The following ZNF618 variants were observed in gnomAD, a reference collection of about 807,000 sequenced individuals.
The protein encoded by ZNF618 is neural precursor cell expressed, developmentally down-regulated 10.
ZNF618 carries 34 observed loss-of-function variants against 103.0 expected under a neutral mutation model. The observed-to-expected ratio is 0.33, with a 90% confidence interval of 0.25 to 0.44. ZNF618 has a LOEUF of 0.44. Ranked by LOEUF, ZNF618 falls within the 20% of genes least tolerant of loss-of-function variation. The pLI is 1.00. For synonymous variants in ZNF618, 551 were observed against 542.2 expected (o/e 1.02, Z -0.23); for missense variants, 1,059 against 1,295.4 (o/e 0.82, Z 2.80).
chr9:113,904,252 A>G (rs1830794164), intron 1 of ZNF618, among the ~76,000 whole-genome samples: 3 of 144,342 alleles, frequency 2.1e-5, no homozygotes, highest in Non-Finnish European at 3.0e-5. Flanking sequence ...TGTATTTTTC[A>G]TCTCTAGAAG....
At chr9:113,902,551 A>G (rs1830657673) in intron 1 of ZNF618, among the ~76,000 whole-genome samples, 1 of 152,212 alleles carries the variant, frequency 6.6e-6, no homozygotes, top group South Asian at 2.1e-4. Flanking sequence ...TTTTAGAGAC[A>G]TGCACTATTG....
intron 14 of ZNF618, 117 bp from the exon 15 acceptor site, chr9:114,048,534 C>A: frequency 1.8e-6 from 2 of 1,111,706 alleles, no homozygotes; most frequent in Non-Finnish European, 2.6e-6. Context: ...CATGTGTGTG[C>A]AAGAGGAAAT....
chr9:113,902,795 T>C (rs971853637), intron 1 of ZNF618, among the ~76,000 whole-genome samples: 1 of 152,234 alleles, frequency 6.6e-6, no homozygotes, highest in Admixed American at 6.5e-5. Context: ...GATGGGTGTT[T>C]TGGTGTTCCT....
chr9:113,939,963 G>A (rs1205064860), intron 1 of ZNF618, among the ~76,000 whole-genome samples: 2 of 151,672 alleles, frequency 1.3e-5, no homozygotes, highest in Non-Finnish European at 1.5e-5. Flanking sequence ...TTTAACTTCT[G>A]TTTATTTTTA....
intron 3 of ZNF618, among the ~76,000 whole-genome samples, chr9:113,997,006 C>T (rs1176194736): frequency 1.3e-5 from 2 of 152,160 alleles, no homozygotes; most frequent in South Asian, 2.1e-4. Context: ...ATGAGGACTT[C>T]TGGGAAGATG....
intron 4 of ZNF618, 96 bp from the exon 5 acceptor site, chr9:114,001,900 A>C: frequency 9.5e-7 from 1 of 1,055,018 alleles, no homozygotes; most frequent in Non-Finnish European, 1.5e-6. Context: ...CCCCTGGGAC[A>C]GAGAGTTAGC....
chr9:113,979,981 G>A (rs1485702812), intron 2 of ZNF618, among the ~76,000 whole-genome samples: 1 of 152,144 alleles, frequency 6.6e-6, no homozygotes, highest in African/African-American at 2.4e-5. Flanking sequence ...ACAGGAGAAA[G>A]GGGGGGTGGC....
intron 11 of ZNF618, among the ~76,000 whole-genome samples, chr9:114,031,408 A>G (rs1844017924): frequency 6.6e-6 from 1 of 152,204 alleles, no homozygotes; most frequent in Admixed American, 6.5e-5. Flanking sequence ...ACGTTGTTAC[A>G]GTGGGATGAC....
At position 114,027,682 on chromosome 9, in the gene ZNF618, G is replaced by A. The variant is rs139907593; in HGVS notation, c.845-1051G>A. ...TCTGCATACAGTGCCCAGGACGGAC[G>A]CTGTCTTAGGAGCAGGGAGATAATG... is the stretch of plus-strand genomic sequence containing the variant. On this transcript the variant is annotated intron_variant, in intron 10 of 14. Transcript: ENST00000374126. 2.8e-3 allele frequency among the ~76,000 whole-genome samples: 423 copies of A among 152,310 alleles called. 2 individuals are homozygous for A. The highest frequency in any genetic ancestry group is 0.014 in the Middle Eastern group (4 of 292).
intron 1 of ZNF618, among the ~76,000 whole-genome samples, chr9:113,907,977 T>C (rs923730705): frequency 2.6e-5 from 4 of 152,316 alleles, no homozygotes; most frequent in South Asian, 4.1e-4. Flanking sequence ...ATGATTATTT[T>C]CCATCTAGTG....
chr9:113,892,915 G>A (rs1272652889), intron 1 of ZNF618, among the ~76,000 whole-genome samples: 1 of 152,166 alleles, frequency 6.6e-6, no homozygotes, highest in African/African-American at 2.4e-5. Flanking sequence ...ACTTAGGACT[G>A]TTTCTGGACT....
chr9:113,922,477 G>GTT (rs71367740), intron 1 of ZNF618, among the ~76,000 whole-genome samples: 91 of 132,970 alleles, frequency 6.8e-4, no homozygotes, highest in South Asian at 1.4e-3. Context: ...GTTTTGGTTT[G>GTT]TTTTTTTTTT....
chr9:113,888,371 C>T (rs907591054), intron 1 of ZNF618, among the ~76,000 whole-genome samples: 2 of 152,268 alleles, frequency 1.3e-5, no homozygotes, highest in African/African-American at 4.8e-5. Context: ...GGCTTTCAGC[C>T]CCCAGCTCCC....
Position 114,053,109 on chromosome 9 carries a change from AG to A in ZNF618, c.*2944del, listed in dbSNP as rs1244450336. ...GTCACCAACAGGAAAGGCTGTACCAAGGTGCCCTCTTCTCAGACAGGCTGTT... is the reference window on the plus strand; with the variant it reads ...GTCACCAACAGGAAAGGCTGTACCAAGTGCCCTCTTCTCAGACAGGCTGTT... On this transcript the variant is annotated 3_prime_UTR_variant, in exon 15 of 15. Coordinates refer to ENST00000374126, the MANE Select transcript of ZNF618 (RefSeq NM_001318042.2). 1 of 152,602 alleles carries A rather than the reference AG, an allele frequency of 6.6e-6. No homozygotes were observed. Among genetic ancestry groups the A allele is most frequent in the Admixed American group, 6.5e-5 (1 of 15,288 alleles). The allele number at this position is 152,602 out of a possible 1,614,324, so 9.5% of individuals were successfully genotyped here.
chr9:113,929,877 A>T (rs1833419108), intron 1 of ZNF618, among the ~76,000 whole-genome samples: 1 of 152,264 alleles, frequency 6.6e-6, no homozygotes, highest in African/African-American at 2.4e-5. Flanking sequence ...TTAAATAACA[A>T]AATGGCTTTC....
intron 1 of ZNF618, among the ~76,000 whole-genome samples, chr9:113,946,482 C>G (rs1835046380): frequency 6.6e-6 from 1 of 151,710 alleles, no homozygotes; most frequent in Non-Finnish European, 1.5e-5. Flanking sequence ...AGTCCTGGGA[C>G]TTCTCTTGAG....
chr9:113,984,476 A>G (rs1177082834), intron 2 of ZNF618, among the ~76,000 whole-genome samples: 1 of 152,214 alleles, frequency 6.6e-6, no homozygotes, highest in African/African-American at 2.4e-5. Context: ...CCAGGGCTGC[A>G]GGGTGTAGGG....
intron 1 of ZNF618, among the ~76,000 whole-genome samples, chr9:113,914,663 T>TA (rs1223680611): frequency 1.3e-5 from 2 of 152,206 alleles, no homozygotes; most frequent in Non-Finnish European, 2.9e-5. Flanking sequence ...CATTGGAATA[T>TA]AAACACTATG....
intron 10 of ZNF618, among the ~76,000 whole-genome samples, chr9:114,027,270 C>T (rs556181395): frequency 4.0e-4 from 61 of 152,316 alleles, no homozygotes; most frequent in Non-Finnish European, 7.2e-4. Flanking sequence ...AAGGGAGAGT[C>T]CCAAGAGTGG....
Sources: gnomAD v4.1 joint callset for allele counts (sites outside exome capture counted in the v4.1 genomes callset) on GRCh38, gnomAD v4.1.1 for gene constraint, MANE v1.5 for transcripts, NCBI Gene and HGNC (gene_info 2026-07-23, HGNC 2026-07-21) for gene names.